Variants in FER1L6 observed in about 807,000 individuals in gnomAD.
The protein encoded by FER1L6 is fer-1 like family member 6, also known as fer-1-like protein 6.
FER1L6 carries 177 observed loss-of-function variants against 219.2 expected under a neutral mutation model. The observed-to-expected ratio is 0.81, with a 90% CI of 0.71 to 0.91. FER1L6 has a LOEUF of 0.91. FER1L6 is among the 40% of genes least tolerant of loss of function. FER1L6 has a pLI of 0.00. For missense variants in FER1L6, 2,153 were observed against 2,259.9 expected, an observed-to-expected ratio of 0.95 and a Z score of 0.96; for synonymous variants, 768 against 824.3, an observed-to-expected ratio of 0.93 and a Z score of 1.17.
rs370774783 is a variant in FER1L6 at position 123,905,957 on chromosome 8, G to A, written c.-7-50035G>A. ...TTTTTTGAAGGGATATTGCATTGAAGAACAGGATCAGAAATCAGACAGGAA... is the reference window on the plus strand; with the variant it reads ...TTTTTTGAAGGGATATTGCATTGAAAAACAGGATCAGAAATCAGACAGGAA... On this transcript the variant is annotated intron_variant, in intron 1 of 40. Transcript: ENST00000522917. Among the ~76,000 whole-genome samples the A allele has an allele frequency of 1.2e-4, 18 of 152,260 alleles. 1 individual carries two copies. In the South Asian group the frequency reaches 3.5e-3, roughly 30 times the overall value.
At chr8:124,004,115 C>CAAAAAAA (rs80310802) in intron 13 of FER1L6, 6 of 78,466 alleles carry the variant, frequency 7.6e-5, no homozygotes, top group Non-Finnish European at 1.0e-4. Context: ...CTGAAAGACT[C>CAAAAAAA]AAAAAAAAAA....
intron 23 of FER1L6, 106 bp from the exon 24 acceptor site, chr8:124,060,442 C>A: frequency 1.3e-6 from 2 of 1,488,296 alleles, no homozygotes; most frequent in Non-Finnish European, 1.8e-6. Context: ...TGGAGGAACA[C>A]AGCGTGGTTC....
chr8:123,929,966 G>GTTT (rs11390460), intron 1 of FER1L6, among the ~76,000 whole-genome samples: 9 of 144,578 alleles, frequency 6.2e-5, no homozygotes, highest in South Asian at 2.2e-4. Context: ...AGATGGCACT[G>GTTT]TTTTTTTTTT....
At chr8:124,095,060 G>GC (rs780998132) in intron 35 of FER1L6, 22 bp downstream of exon 35, 31 of 1,613,504 alleles carry the variant, frequency 1.9e-5, no homozygotes, top group Non-Finnish European at 2.6e-5. Context: ...GACTATTCTG[G>GC]CCCTAAAAGT....
At chr8:123,887,184 T>C (rs1817219066) in intron 1 of FER1L6, among the ~76,000 whole-genome samples, 1 of 152,182 alleles carries the variant, frequency 6.6e-6, no homozygotes, top group African/African-American at 2.4e-5. Context: ...GTTAGGGAGA[T>C]GGATTTGAGA....
chr8:124,069,816 T>G (rs893197257), intron 29 of FER1L6, among the ~76,000 whole-genome samples: 3 of 152,178 alleles, frequency 2.0e-5, no homozygotes, highest in African/African-American at 7.2e-5. Flanking sequence ...GAGATTTAAC[T>G]CCAACTAAAG....
intron 10 of FER1L6, among the ~76,000 whole-genome samples, chr8:123,980,052 C>T (rs1360626476): frequency 1.3e-5 from 2 of 152,200 alleles, no homozygotes; most frequent in Non-Finnish European, 2.9e-5. Flanking sequence ...TTTCTTGCAA[C>T]ACAAAGTGTA....
intron 34 of FER1L6, among the ~76,000 whole-genome samples, chr8:124,093,693 G>T (rs10113772): frequency 0.81 from 122,352 of 151,538 alleles, 49,638 homozygotes; most frequent in Non-Finnish European, 0.86. Context: ...GATTAACAAA[G>T]ATTTATTCAT....
chr8:124,105,949 T>C (rs969492179), intron 39 of FER1L6, among the ~76,000 whole-genome samples: 2 of 152,116 alleles, frequency 1.3e-5, no homozygotes, highest in Non-Finnish European at 2.9e-5. Context: ...ATGCTCAGAA[T>C]AGGCAAATCC....
chr8:124,110,329 G>A (rs897477910), intron 39 of FER1L6, among the ~76,000 whole-genome samples: 3 of 152,208 alleles, frequency 2.0e-5, no homozygotes, highest in Non-Finnish European at 4.4e-5. Context: ...GCAAGCTTAA[G>A]TAACTTGCCT....
intron 12 of FER1L6, among the ~76,000 whole-genome samples, chr8:123,991,904 T>A (rs956593143): frequency 6.8e-4 from 104 of 152,148 alleles, no homozygotes; most frequent in African/African-American, 2.2e-3. Context: ...GGTTTTTTTT[T>A]AAATCATAAA....
At chr8:123,978,749 G>A (rs763432085) in intron 10 of FER1L6, among the ~76,000 whole-genome samples, 27 of 152,082 alleles carry the variant, frequency 1.8e-4, no homozygotes, top group Non-Finnish European at 3.5e-4. Flanking sequence ...TTAGACTAAA[G>A]GCATGTCAAG....
chr8:124,039,599 G>A (rs4576412), intron 19 of FER1L6, among the ~76,000 whole-genome samples: 130,422 of 152,252 alleles, frequency 0.86, 56,104 homozygotes, highest in African/African-American at 0.9. Context: ...CCTCATCTAT[G>A]AAGTGGAGAG....
intron 1 of FER1L6, among the ~76,000 whole-genome samples, chr8:123,926,521 G>C (rs1412392164): frequency 3.3e-5 from 5 of 152,160 alleles, no homozygotes; most frequent in African/African-American, 1.2e-4. Context: ...GGTTATGGTG[G>C]GGGAGGCAAA....
chr8:124,108,718 A>G (rs1454621136), intron 39 of FER1L6, among the ~76,000 whole-genome samples: 1 of 152,010 alleles, frequency 6.6e-6, no homozygotes, highest in African/African-American at 2.4e-5. Flanking sequence ...CTCTACAAAA[A>G]ATTTTTAAAA....
chr8:123,862,358 A>G (rs998624675), intron 1 of FER1L6, among the ~76,000 whole-genome samples: 2 of 126,238 alleles, frequency 1.6e-5, no homozygotes, highest in African/African-American at 6.8e-5. Context: ...AAGCTTTTTG[A>G]TGTGCTGCTG....
intron 6 of FER1L6, among the ~76,000 whole-genome samples, chr8:123,970,931 A>G (rs1815778322): frequency 6.6e-6 from 1 of 152,200 alleles, no homozygotes; most frequent in South Asian, 2.1e-4. Flanking sequence ...AGCGTGACAG[A>G]TCACCACAGC....
At chr8:124,066,178 A>G (rs1230405349) in intron 26 of FER1L6, among the ~76,000 whole-genome samples, 1 of 152,190 alleles carries the variant, frequency 6.6e-6, no homozygotes, top group African/African-American at 2.4e-5. Context: ...AATTCTCCAC[A>G]CATCCTTAAT....
At chr8:123,855,402 T>C (rs1816614889) in intron 1 of FER1L6, among the ~76,000 whole-genome samples, 1 of 152,130 alleles carries the variant, frequency 6.6e-6, no homozygotes, top group African/African-American at 2.4e-5. Context: ...CCTTGGTAAG[T>C]TCTGGTTCTA....
Sources: allele counts gnomAD v4.1 joint callset (sites outside exome capture counted in the v4.1 genomes callset), GRCh38; gene constraint gnomAD v4.1.1; transcripts MANE v1.5; gene names NCBI Gene and HGNC (gene_info 2026-07-23, HGNC 2026-07-21).